Variants in SGK1 observed in about 807,000 individuals in gnomAD.
SGK1 encodes serine/threonine-protein kinase Sgk1.
SGK1 carries 26 observed loss-of-function variants against 64.2 expected under a neutral mutation model. That is an observed-to-expected ratio of 0.40 (90% confidence interval 0.30 to 0.56). The LOEUF (loss-of-function observed/expected upper bound fraction) is 0.56. Among genes scored for constraint, SGK1 ranks in the 20% least tolerant of loss-of-function variants. The probability of loss-of-function intolerance (pLI) is 0.38; values close to 1 mark genes in which losing one functional copy is unlikely to be tolerated. For synonymous variants in SGK1, 265 were observed against 239.7 expected, an observed-to-expected ratio of 1.11 and a Z score of -0.98; for missense variants, 519 against 645.6, an observed-to-expected ratio of 0.80 and a Z score of 2.12.
chr6:134,171,462 A>G (rs1775023563), intron 11 of SGK1, 175 bp downstream of exon 11: 1 of 618,226 alleles, frequency 1.6e-6, no homozygotes, highest in Non-Finnish European at 2.9e-6. Flanking sequence ...TGTGAAATGC[A>G]CAAAAGAACC....
intron 3 of SGK1, among the ~76,000 whole-genome samples, chr6:134,203,115 G>T (rs144541948): frequency 0.023 from 3,563 of 152,140 alleles, 125 homozygotes; most frequent in African/African-American, 0.081. Context: ...GTGGTGGCAC[G>T]TGCCTGTAAT....
chr6:134,202,882 A>G (rs982323648), intron 3 of SGK1, among the ~76,000 whole-genome samples: 1 of 152,206 alleles, frequency 6.6e-6, no homozygotes, highest in Non-Finnish European at 1.5e-5. Flanking sequence ...ATAAAAGATG[A>G]GGGTAGAGTG....
chr6:134,202,417 G>A (rs1775700843), intron 3 of SGK1, among the ~76,000 whole-genome samples: 1 of 152,188 alleles, frequency 6.6e-6, no homozygotes, highest in South Asian at 2.1e-4. Flanking sequence ...GCTGAGGTGA[G>A]TGGATCACTT....
At chr6:134,274,682 A>C (rs552211544) in intron 1 of SGK1, among the ~76,000 whole-genome samples, 6 of 151,872 alleles carry the variant, frequency 4.0e-5, no homozygotes, top group East Asian at 1.9e-4. Context: ...AAAAAAAAAA[A>C]CCCAAATCTG....
chr6:134,173,677 C>A, intron 5 of SGK1, 111 bp from the exon 6 acceptor site: 2 of 719,902 alleles, frequency 2.8e-6, no homozygotes, highest in Non-Finnish European at 4.6e-6. Context: ...TGCAAATGAC[C>A]ATACATCTAT....
chr6:134,309,574 C>A (rs926915674), intron 1 of SGK1, among the ~76,000 whole-genome samples: 1 of 151,654 alleles, frequency 6.6e-6, no homozygotes, highest in African/African-American at 2.4e-5. Flanking sequence ...GGTCCAGAAC[C>A]ACCTGCTTTC....
intron 3 of SGK1, among the ~76,000 whole-genome samples, chr6:134,175,390 G>A (rs759659465): frequency 2.0e-5 from 3 of 152,050 alleles, no homozygotes; most frequent in African/African-American, 7.2e-5. Flanking sequence ...TATCCCTGGG[G>A]CGCAGGCCTG....
At chr6:134,215,310 T>C (rs956426663) in intron 2 of SGK1, among the ~76,000 whole-genome samples, 8 of 151,628 alleles carry the variant, frequency 5.3e-5, no homozygotes, top group African/African-American at 1.9e-4. Context: ...GAGACAGGGT[T>C]TCACCATGTT....
intron 2 of SGK1, among the ~76,000 whole-genome samples, chr6:134,252,745 G>T (rs1391763515): frequency 6.6e-6 from 1 of 151,840 alleles, no homozygotes; most frequent in Non-Finnish European, 1.5e-5. Flanking sequence ...GGATAACATG[G>T]TTGAAAATTT....
At chr6:134,293,741 AATT>A (rs1481010288) in intron 1 of SGK1, among the ~76,000 whole-genome samples, 1 of 152,168 alleles carries the variant, frequency 6.6e-6, no homozygotes, top group Non-Finnish European at 1.5e-5. Flanking sequence ...AATCAGATAT[AATT>A]ATCTGATTTA....
rs533260389 is a variant in SGK1 at position 134,207,916 on chromosome 6, C to T, written c.286-485G>A. The stretch of plus-strand genomic sequence containing the variant: ...TTTTAATTCAGTAGCACTTTAAATG[C>T]TTTTTTTGTTTGTTTGAGACAGTCT... On this transcript the variant is annotated intron_variant, in intron 2 of 13. Transcript: ENST00000367858. 2.0e-5 allele frequency among the ~76,000 whole-genome samples: 3 copies of T among 150,146 alleles called. No homozygotes were observed. In the South Asian group the frequency reaches 6.3e-4, roughly 31 times the overall value.
At chr6:134,173,798 C>A (rs1333074119) in intron 5 of SGK1, 1 of 578,046 alleles carries the variant, frequency 1.7e-6, no homozygotes, top group South Asian at 2.4e-5. Context: ...TTTAAAATAA[C>A]CACTTTGGAG....
At chr6:134,294,034 A>G (rs1268105934) in intron 1 of SGK1, among the ~76,000 whole-genome samples, 2 of 152,212 alleles carry the variant, frequency 1.3e-5, no homozygotes, top group African/African-American at 4.8e-5. Flanking sequence ...GATTCAGGTC[A>G]TGTTGCAAGT....
At position 134,222,615 on chromosome 6, in the gene SGK1, C is replaced by T. The variant is rs1338678094; in HGVS notation, c.286-15184G>A. ...CCTCGCAAAGTGCTGGGATTACAGG[C>T]GTGAGCCACCACACCTGGCTTTAGA... On this transcript the variant is annotated intron_variant, in intron 2 of 13. Coordinates refer to ENST00000367858, the MANE Select transcript of SGK1 (RefSeq NM_001143676.3). Among the ~76,000 whole-genome samples the T allele has an allele frequency of 2.6e-5, 4 of 152,086 alleles. No individual in the cohort carries two copies. In the East Asian group the frequency reaches 5.8e-4, roughly 22 times the overall value.
chr6:134,240,207 G>A lies in SGK1; in HGVS notation c.285+21726C>T, dbSNP rs539421064. On this transcript the variant is annotated intron_variant, in intron 2 of 13. Coordinates refer to ENST00000367858, the MANE Select transcript of SGK1 (RefSeq NM_001143676.3). ...CTGGGGAGGCTGAGGCAGGAGAATCGCTTGAACCTGGGAGGCAGAGATTGC... is the reference window on the plus strand; with the variant it reads ...CTGGGGAGGCTGAGGCAGGAGAATCACTTGAACCTGGGAGGCAGAGATTGC... Among the ~76,000 whole-genome samples, 11 of 149,420 alleles carry A rather than the reference G, an allele frequency of 7.4e-5. No homozygotes were observed. In the South Asian group the frequency reaches 1.9e-3, roughly 26 times the overall value.
chr6:134,223,847 C>T (rs1776128576), intron 2 of SGK1, among the ~76,000 whole-genome samples: 1 of 152,190 alleles, frequency 6.6e-6, no homozygotes, highest in South Asian at 2.1e-4. Flanking sequence ...CTGTTTTTCT[C>T]ATGCAGTAGG....
chr6:134,170,986 CCCGG>C, intron 12 of SGK1, 33 bp downstream of exon 12: 1 of 1,609,074 alleles, frequency 6.2e-7, no homozygotes, highest in Non-Finnish European at 8.5e-7. Flanking sequence ...TAGTGCACGT[CCCGG>C]CCGGCCCAGG....
At chr6:134,205,217 C>G (rs1032372161) in intron 3 of SGK1, among the ~76,000 whole-genome samples, 24 of 152,112 alleles carry the variant, frequency 1.6e-4, no homozygotes, top group African/African-American at 5.8e-4. Flanking sequence ...TTCTTCATAA[C>G]ACATGTGCTG....
At chr6:134,175,941 G>C in intron 3 of SGK1, 1 of 1,168,152 alleles carries the variant, frequency 8.6e-7, no homozygotes, top group African/African-American at 1.6e-5. Context: ...GTGGAGGGGA[G>C]GGGGCGGAAA....
Sources: gnomAD v4.1 joint callset for allele counts (sites outside exome capture counted in the v4.1 genomes callset) on GRCh38, gnomAD v4.1.1 for gene constraint, MANE v1.5 for transcripts, NCBI Gene and HGNC (gene_info 2026-07-23, HGNC 2026-07-21) for gene names.